The following ASB7 variants were observed in gnomAD, a reference collection of about 807,000 sequenced individuals.
The protein encoded by ASB7 is ankyrin repeat and SOCS box protein 7.
ASB7 carries 4 observed loss-of-function variants against 32.5 expected under a neutral mutation model. The ratio of observed to expected loss-of-function variants is 0.12; its 90% CI spans 0.06 to 0.28. ASB7 has a LOEUF of 0.28. Among genes scored for constraint, ASB7 ranks in the 10% least tolerant of loss-of-function variants. The pLI is 1.00. For missense variants in ASB7, 181 were observed against 407.1 expected, an observed-to-expected ratio of 0.44 and a Z score of 4.78; for synonymous variants, 172 against 155.6, an observed-to-expected ratio of 1.11 and a Z score of -0.78.
rs1379111592 is a variant in ASB7 at position 100,612,057 on chromosome 15, T to C, written c.-51-109T>C. On this transcript the variant is annotated intron_variant, in intron 3 of 5. Transcript: ENST00000332783. ...CCCAGCTAGTAGTATGCACTGTCAT[T>C]AGTAAGGTTTACTGATGTAGCAAAT... The C allele has an allele frequency of 4.4e-6, 3 of 676,634 alleles. No individual in the cohort carries two copies. In the African/African-American group the frequency reaches 5.4e-5, roughly 12 times the overall value. 41.9% of individuals were successfully genotyped at this position (676,634 alleles called of 1,614,324 possible). A position where few individuals can be genotyped will look rare whatever the true frequency, so the allele number is the denominator to read the frequency against.
At chr15:100,637,438 A>G (rs144388038) in intron 5 of ASB7, among the ~76,000 whole-genome samples, 2 of 152,364 alleles carry the variant, frequency 1.3e-5, no homozygotes. Flanking sequence ...TTCTTCAATC[A>G]GTGGAGATAT....
At chr15:100,645,281 ATATGT>A (rs1298871056) in intron 5 of ASB7, among the ~76,000 whole-genome samples, 4 of 152,198 alleles carry the variant, frequency 2.6e-5, no homozygotes, top group African/African-American at 4.8e-5. Context: ...AAAGACAGTG[ATATGT>A]TAGGTGTTAT....
rs150125011 is a variant in ASB7 at position 100,608,194 on chromosome 15, A to G, written c.-173-1513A>G. ...ATGTGTGAGGCTCATCACTGGGGAC[A>G]CTGATTTGCATTTTAAAATAAACTT... On this transcript the variant is annotated intron_variant, in intron 2 of 5. Coordinates refer to ENST00000332783, the MANE Select transcript of ASB7 (RefSeq NM_198243.3). Among the ~76,000 whole-genome samples, 926 of 152,328 alleles carry G rather than the reference A, an allele frequency of 6.1e-3. 11 individuals carry two copies. The highest frequency in any genetic ancestry group is 0.021 in the African/African-American group (889 of 41,572).
intron 2 of ASB7, among the ~76,000 whole-genome samples, chr15:100,605,773 G>A (rs189298635): frequency 1.3e-5 from 2 of 152,286 alleles, no homozygotes; most frequent in East Asian, 3.9e-4. Context: ...AGATAATATT[G>A]ACAGGACCTC....
intron 4 of ASB7, among the ~76,000 whole-genome samples, chr15:100,613,813 A>G (rs150912485): frequency 6.6e-6 from 1 of 152,342 alleles, no homozygotes; most frequent in African/African-American, 2.4e-5. Context: ...GTCTCTTTCA[A>G]ATGAAGCAAA....
intron 4 of ASB7, among the ~76,000 whole-genome samples, chr15:100,620,995 G>A (rs971266142): frequency 6.6e-6 from 1 of 152,008 alleles, no homozygotes; most frequent in Non-Finnish European, 1.5e-5. Flanking sequence ...GAGATAGGGG[G>A]GTAATCAAAG....
In ASB7 at chr15:100,648,460, T is replaced by A. The variant is rs781590488; in HGVS notation, c.955T>A (p.Ter319ArgextTer16). ...DYLKHKFDDI* is the reference protein window; with the variant it reads ...DYLKHKFDDIR ...CTTAAAACACAAATTTGATGATATC[T>A]GATATGCCAGAACTGTGAGCAAGAT... The change falls in exon 6 of 6, where the codon TGA (stop) becomes AGA (arginine). Residue 319 changes from the stop codon to arginine (R), a stop_lost. Coordinates refer to ENST00000332783, the MANE Select transcript of ASB7 (RefSeq NM_198243.3). 2 of 1,603,868 alleles carry A rather than the reference T, an allele frequency of 1.2e-6. No individual in the cohort carries two copies. Among genetic ancestry groups the A allele is most frequent in the Non-Finnish European group, 1.7e-6 (2 of 1,173,074 alleles).
chr15:100,621,667 A>G (rs1041417176), intron 4 of ASB7, among the ~76,000 whole-genome samples: 6 of 152,180 alleles, frequency 3.9e-5, no homozygotes, highest in African/African-American at 1.4e-4. Context: ...GAAAGGAGCT[A>G]TATTGAAACA....
At chr15:100,605,519 C>T (rs1364873411) in intron 2 of ASB7, among the ~76,000 whole-genome samples, 3 of 152,178 alleles carry the variant, frequency 2.0e-5, no homozygotes, top group African/African-American at 4.8e-5. Flanking sequence ...AATACTATGA[C>T]ACATACAGTA....
intron 5 of ASB7, among the ~76,000 whole-genome samples, chr15:100,631,450 C>T (rs2039882913): frequency 6.6e-6 from 1 of 152,196 alleles, no homozygotes; most frequent in Non-Finnish European, 1.5e-5. Context: ...CTGAGACACA[C>T]AGAAGTCGCC....
chr15:100,625,043 A>G (rs1597004995), intron 4 of ASB7, among the ~76,000 whole-genome samples: 1 of 152,242 alleles, frequency 6.6e-6, no homozygotes, highest in East Asian at 1.9e-4. Flanking sequence ...GATTCAGAAA[A>G]TGGAACAGTC....
intron 3 of ASB7, among the ~76,000 whole-genome samples, chr15:100,611,778 C>T (rs898695389): frequency 6.6e-6 from 1 of 150,840 alleles, no homozygotes; most frequent in East Asian, 2.0e-4. Flanking sequence ...CTGTGCTTGG[C>T]CTGATTGTTT....
intron 5 of ASB7, among the ~76,000 whole-genome samples, chr15:100,638,206 C>G (rs1376673584): frequency 6.6e-6 from 1 of 152,124 alleles, no homozygotes; most frequent in Non-Finnish European, 1.5e-5. Context: ...CCTAGTGTTT[C>G]AGAATTTGAT....
intron 5 of ASB7, chr15:100,645,603 TCTG>T (rs2039992462): frequency 1.3e-6 from 1 of 763,420 alleles, no homozygotes; most frequent in Non-Finnish European, 2.4e-6. Flanking sequence ...GATCCTGAAA[TCTG>T]CTGTGGTTCA....
intron 5 of ASB7, chr15:100,646,465 A>C (rs932048326): frequency 2.1e-5 from 10 of 466,910 alleles, no homozygotes; most frequent in Non-Finnish European, 8.8e-6. Flanking sequence ...GACCAAGGGC[A>C]TTCACAGAAA....
rs1567111833 is a variant in ASB7 at position 100,612,206 on chromosome 15, A to G, written c.-11A>G. On this transcript the variant is annotated 5_prime_UTR_variant, in exon 4 of 6. Coordinates refer to ENST00000332783, the MANE Select transcript of ASB7 (RefSeq NM_198243.3). ...CTAATGAATCCTTTGTAAAAAGTGG[A>G]CTCAGCTAGGATGTTACACCATCAT... 1.9e-6 allele frequency: 3 copies of G among 1,605,740 alleles called. No homozygotes were observed. Among genetic ancestry groups the G allele is most frequent in the Non-Finnish European group, 2.6e-6 (3 of 1,172,840 alleles).
At position 100,629,673 on chromosome 15, in the gene ASB7, G is replaced by A; in HGVS notation, c.448G>A (p.Gly150Ser). 1.2e-6 allele frequency: 2 copies of A among 1,614,184 alleles called. No individual in the cohort carries two copies. Among genetic ancestry groups the A allele is most frequent in the South Asian group, 2.2e-5 (2 of 91,078 alleles). The change falls in exon 5 of 6, where the codon GGT becomes AGT. Residue 150 changes from glycine (G) to serine (S), a missense_variant. By Grantham distance (56) the Gly-to-Ser change is moderately conservative. Transcript: ENST00000332783. The surrounding 1 kb of genome is among the most constrained non-coding windows in gnomAD (Gnocchi z 6.8). ...KAEVDPLSDKGTTPLQLAIIR... is the reference protein window; with the variant it reads ...KAEVDPLSDKSTTPLQLAIIR... Reference sequence around the variant, plus strand: ...TGAGGTTGACCCACTCAGTGATAAAGGTACCACACCGCTTCAGCTCGCCAT... The same window carrying A: ...TGAGGTTGACCCACTCAGTGATAAAAGTACCACACCGCTTCAGCTCGCCAT...
intron 5 of ASB7, chr15:100,645,678 C>T (rs1337864161): frequency 2.1e-5 from 32 of 1,490,988 alleles, no homozygotes; most frequent in Non-Finnish European, 2.8e-5. Context: ...GACGGCAACA[C>T]GAAAGAACCA....
intron 4 of ASB7, among the ~76,000 whole-genome samples, chr15:100,624,430 A>G (rs1396796959): frequency 6.6e-6 from 1 of 152,234 alleles, no homozygotes; most frequent in Non-Finnish European, 1.5e-5. Flanking sequence ...GTAAACATGT[A>G]AAATATCACA....
Sources: gnomAD v4.1 joint callset for allele counts (sites outside exome capture counted in the v4.1 genomes callset) on GRCh38, gnomAD v4.1.1 for gene constraint, Gnocchi (gnomAD v3.1) non-coding constraint, MANE v1.5 for transcripts, NCBI Gene and HGNC (gene_info 2026-07-23, HGNC 2026-07-21) for gene names.